DLG2: variants seen among roughly 807,000 people sequenced by gnomAD.
DLG2 encodes discs large MAGUK scaffold protein 2.
A neutral mutation model predicts 132.5 loss-of-function variants in DLG2; 45 were observed. The observed-to-expected ratio is 0.34, with a 90% CI of 0.27 to 0.44. DLG2 has a LOEUF of 0.44. Among genes scored for constraint, DLG2 ranks in the 20% least tolerant of loss-of-function variants. DLG2 has a pLI of 1.00. For synonymous variants in DLG2, 424 were observed against 419.6 expected, an observed-to-expected ratio of 1.01 and a Z score of -0.13; for missense variants, 1,045 against 1,196.9, an observed-to-expected ratio of 0.87 and a Z score of 1.87.
rs1190843148 is a variant in DLG2 at position 83,459,603 on chromosome 11, G to A, written c.*215C>T. On this transcript the variant is annotated 3_prime_UTR_variant, in exon 28 of 28. Transcript: ENST00000376104. ...CACCTGGCACTTTGAGCAAACCAAA[G>A]CCTTCCTTCATACTGCAATGTCTTT... 3 of 439,200 alleles carry A rather than the reference G, an allele frequency of 6.8e-6. No homozygotes were observed. The highest frequency in any genetic ancestry group is 1.2e-5 in the Non-Finnish European group (3 of 242,936). The allele number at this position is 439,200 out of a possible 1,614,324, so 27.2% of individuals were successfully genotyped here.
intron 7 of DLG2, among the ~76,000 whole-genome samples, chr11:84,534,014 T>C (rs937495832): frequency 4.0e-5 from 6 of 150,724 alleles, no homozygotes; most frequent in Admixed American, 1.3e-4. Flanking sequence ...TGTCGAAATA[T>C]AATTTATCAA....
intron 6 of DLG2, among the ~76,000 whole-genome samples, chr11:85,094,917 G>C (rs937654715): frequency 1.3e-5 from 2 of 152,150 alleles, no homozygotes; most frequent in African/African-American, 4.8e-5. Context: ...GCTTTTGATT[G>C]AAAGTGAGAG....
At chr11:85,514,901 A>T (rs1385624954) in intron 3 of DLG2, among the ~76,000 whole-genome samples, 1 of 151,926 alleles carries the variant, frequency 6.6e-6, no homozygotes, top group East Asian at 1.9e-4. Flanking sequence ...ATTTCACTGG[A>T]GGAAAATAAA....
chr11:83,516,470 G>C (rs1165124490), intron 21 of DLG2, among the ~76,000 whole-genome samples: 3 of 152,108 alleles, frequency 2.0e-5, no homozygotes, highest in South Asian at 2.1e-4. Flanking sequence ...GGTCTTGACT[G>C]TTTATCCAAT....
At chr11:84,915,836 A>G (rs922175344) in intron 6 of DLG2, among the ~76,000 whole-genome samples, 2 of 152,156 alleles carry the variant, frequency 1.3e-5, no homozygotes, top group African/African-American at 4.8e-5. Flanking sequence ...TTATTTTCAA[A>G]TATTTATTAA....
chr11:84,103,295 C>A, intron 9 of DLG2, among the ~76,000 whole-genome samples: 1 of 152,090 alleles, frequency 6.6e-6, no homozygotes, highest in East Asian at 1.9e-4. Flanking sequence ...CTCTCTATGG[C>A]TGAATCACTT....
intron 10 of DLG2, among the ~76,000 whole-genome samples, chr11:84,073,512 C>A (rs1212419858): frequency 6.6e-6 from 1 of 152,078 alleles, no homozygotes. Context: ...TGTATAGGCA[C>A]TGAGGACACA....
At chr11:85,117,472 T>C (rs1443972444) in intron 5 of DLG2, among the ~76,000 whole-genome samples, 1 of 152,044 alleles carries the variant, frequency 6.6e-6, no homozygotes, top group African/African-American at 2.4e-5. Flanking sequence ...TGGTTATTCT[T>C]ACTGTTATTA....
chr11:83,839,745 G>A (rs2057131437), intron 16 of DLG2, among the ~76,000 whole-genome samples: 2 of 152,196 alleles, frequency 1.3e-5, no homozygotes, highest in South Asian at 4.1e-4. Flanking sequence ...ACAGAATATA[G>A]TTTCCAAAAC....
chr11:84,333,782 G>A (rs1403867645), intron 7 of DLG2, among the ~76,000 whole-genome samples: 1 of 152,102 alleles, frequency 6.6e-6, no homozygotes, highest in African/African-American at 2.4e-5. Flanking sequence ...TTTAATCCTA[G>A]TATCACTCAT....
At chr11:83,652,381 G>C (rs186940706) in intron 18 of DLG2, among the ~76,000 whole-genome samples, 83 of 152,184 alleles carry the variant, frequency 5.5e-4, no homozygotes, top group Non-Finnish European at 1.0e-3. Flanking sequence ...GTTTGTTTTT[G>C]TGTTTTTGAG....
chr11:83,993,766 T>G (rs1183175493), intron 11 of DLG2, among the ~76,000 whole-genome samples: 2 of 152,174 alleles, frequency 1.3e-5, no homozygotes, highest in Non-Finnish European at 2.9e-5. Flanking sequence ...TTTGCTGCCA[T>G]GCAAACCAAG....
intron 6 of DLG2, among the ~76,000 whole-genome samples, chr11:84,875,744 C>CT (rs912167293): frequency 4.2e-4 from 63 of 151,100 alleles, no homozygotes; most frequent in African/African-American, 1.1e-3. Context: ...TTTCCTTCTC[C>CT]TTTTTTTTTG....
At chr11:83,818,365 C>G (rs2049705269) in intron 17 of DLG2, among the ~76,000 whole-genome samples, 1 of 152,130 alleles carries the variant, frequency 6.6e-6, no homozygotes, top group Non-Finnish European at 1.5e-5. Context: ...GAAGGTCTTT[C>G]CATTACCAAG....
chr11:83,550,195 A>G (rs910944663), intron 19 of DLG2, among the ~76,000 whole-genome samples: 1 of 152,208 alleles, frequency 6.6e-6, no homozygotes, highest in Non-Finnish European at 1.5e-5. Context: ...TCATGACTGC[A>G]GATAGAACTA....
intron 6 of DLG2, among the ~76,000 whole-genome samples, chr11:85,047,027 A>G (rs2062412371): frequency 6.6e-6 from 1 of 152,106 alleles, no homozygotes; most frequent in South Asian, 2.1e-4. Flanking sequence ...ACAGTGGGAA[A>G]TAAGATGCTA....
At chr11:84,110,264 A>G (rs1371050461) in intron 9 of DLG2, among the ~76,000 whole-genome samples, 1 of 152,188 alleles carries the variant, frequency 6.6e-6, no homozygotes, top group Non-Finnish European at 1.5e-5. Flanking sequence ...TCTCATCTAA[A>G]GCGATAACCT....
chr11:85,443,009 T>C (rs2091856698), intron 3 of DLG2, among the ~76,000 whole-genome samples: 1 of 152,006 alleles, frequency 6.6e-6, no homozygotes, highest in African/African-American at 2.4e-5. Context: ...GCTATGACAA[T>C]ATACAACGGG....
At chr11:85,195,601 G>A (rs891346789) in intron 4 of DLG2, among the ~76,000 whole-genome samples, 2 of 146,698 alleles carry the variant, frequency 1.4e-5, no homozygotes, top group African/African-American at 5.1e-5. Context: ...TCGGCTCACT[G>A]CAAGCTCCGC....
Sources: gnomAD v4.1 joint callset for allele counts (sites outside exome capture counted in the v4.1 genomes callset) on GRCh38, gnomAD v4.1.1 for gene constraint, MANE v1.5 for transcripts, NCBI Gene and HGNC (gene_info 2026-07-23, HGNC 2026-07-21) for gene names.